Variants in SH3RF1 observed in about 807,000 individuals in gnomAD.
SH3RF1 encodes the protein E3 ubiquitin-protein ligase SH3RF1.
A neutral mutation model predicts 74.0 loss-of-function variants in SH3RF1; 32 were observed. That is an observed-to-expected ratio of 0.43 (90% CI 0.33 to 0.58). The LOEUF (loss-of-function observed/expected upper bound fraction) is 0.58, where lower values mean the gene tolerates loss of function less well. SH3RF1 is among the 20% of genes least tolerant of loss of function. The pLI, the probability that SH3RF1 is intolerant of heterozygous loss-of-function variation, is 0.05. For synonymous variants in SH3RF1, 396 were observed against 439.6 expected, an observed-to-expected ratio of 0.90 and a Z score of 1.24; for missense variants, 954 against 1,130.9, an observed-to-expected ratio of 0.84 and a Z score of 2.24.
intron 2 of SH3RF1, among the ~76,000 whole-genome samples, chr4:169,170,626 C>A (rs913458046): frequency 6.6e-6 from 1 of 152,078 alleles, no homozygotes; most frequent in African/African-American, 2.4e-5. Context: ...ATCTTCATAT[C>A]CTGGGGGCGC....
chr4:169,249,926 G>A (rs977334236), intron 2 of SH3RF1, among the ~76,000 whole-genome samples: 24 of 151,988 alleles, frequency 1.6e-4, no homozygotes, highest in Non-Finnish European at 1.3e-4. Flanking sequence ...CAACAGAATC[G>A]GCCCACAATA....
At chr4:169,110,210 C>CT (rs1733217551) in intron 10 of SH3RF1, among the ~76,000 whole-genome samples, 1 of 151,410 alleles carries the variant, frequency 6.6e-6, no homozygotes, top group African/African-American at 2.4e-5. Flanking sequence ...CCCATCTCTA[C>CT]CAAAAAAAAA....
chr4:169,245,805 T>G (rs1487746332), intron 2 of SH3RF1, among the ~76,000 whole-genome samples: 1 of 152,204 alleles, frequency 6.6e-6, no homozygotes. Flanking sequence ...TAATTTTTAA[T>G]GTTACCAGAA....
chr4:169,249,153 G>A (rs928506367), intron 2 of SH3RF1, among the ~76,000 whole-genome samples: 16 of 152,124 alleles, frequency 1.1e-4, no homozygotes, highest in Non-Finnish European at 1.0e-4. Context: ...GCGTGAACCC[G>A]GGAGGCGGAG....
chr4:169,179,857 A>AT (rs1377810990), intron 2 of SH3RF1, among the ~76,000 whole-genome samples: 1 of 152,002 alleles, frequency 6.6e-6, no homozygotes, highest in South Asian at 2.1e-4. Context: ...AGAATTATGT[A>AT]TTTTTTTTCC....
At chr4:169,217,008 AAAAAAC>A (rs1561055564) in intron 2 of SH3RF1, among the ~76,000 whole-genome samples, 28 of 136,890 alleles carry the variant, frequency 2.0e-4, no homozygotes, top group Non-Finnish European at 3.6e-4. Flanking sequence ...AAAAAAAAAA[AAAAAAC>A]CAGCCAGGTG....
chr4:169,256,535 A>G (rs1428538499), intron 2 of SH3RF1, among the ~76,000 whole-genome samples: 2 of 152,224 alleles, frequency 1.3e-5, no homozygotes, highest in African/African-American at 2.4e-5. Context: ...GTATTAACAT[A>G]TAAGTGTTAA....
At chr4:169,100,853 T>C (rs1297304022) in intron 11 of SH3RF1, among the ~76,000 whole-genome samples, 2 of 152,170 alleles carry the variant, frequency 1.3e-5, no homozygotes, top group East Asian at 3.9e-4. Context: ...ATGTCCCCTA[T>C]TCAGGGCCTT....
At position 169,117,610 on chromosome 4, in the gene SH3RF1, G is replaced by C. The variant is rs1360483896; in HGVS notation, c.1690C>G (p.His564Asp). 1.2e-6 allele frequency: 2 copies of C among 1,614,102 alleles called. No homozygotes were observed. The highest frequency in any genetic ancestry group is 8.5e-7 in the Non-Finnish European group (1 of 1,180,050). ...TTAGCCTGAGGACTTGTCTGGATGT[G>C]AGCTGCTGATACCACAGCTGCGGGG... ...VVPAAVVSAAHIQTSPQAKVL... is the reference protein window; with the variant it reads ...VVPAAVVSAADIQTSPQAKVL... The change falls in exon 9 of 12, where the codon CAC (histidine) becomes GAC (aspartate). Residue 564 changes from histidine (H) to aspartate (D), a missense_variant. Transcript: ENST00000284637.
intron 11 of SH3RF1, among the ~76,000 whole-genome samples, chr4:169,098,226 T>G (rs1483385241): frequency 6.6e-6 from 1 of 152,266 alleles, no homozygotes; most frequent in Non-Finnish European, 1.5e-5. Flanking sequence ...CACTGTTTGA[T>G]GCTAAGTAAT....
At chr4:169,247,231 A>G (rs1731016172) in intron 2 of SH3RF1, among the ~76,000 whole-genome samples, 1 of 152,218 alleles carries the variant, frequency 6.6e-6, no homozygotes, top group African/African-American at 2.4e-5. Flanking sequence ...AGGTGGGGAA[A>G]AGAGCAAAAG....
intron 1 of SH3RF1, chr4:169,270,100 C>CTGCG (rs1430058932): frequency 1.3e-5 from 2 of 152,312 alleles, no homozygotes; most frequent in Admixed American, 6.5e-5. Flanking sequence ...AAGCCACTTA[C>CTGCG]TGCGCCGCTC....
At chr4:169,122,044 G>T in intron 7 of SH3RF1, 56 bp downstream of exon 7, 2 of 1,594,514 alleles carry the variant, frequency 1.3e-6, no homozygotes, top group Admixed American at 3.4e-5. Flanking sequence ...GACCTCTGAG[G>T]TTTGGACTTC....
chr4:169,194,800 G>A (rs1454018040), intron 2 of SH3RF1, among the ~76,000 whole-genome samples: 4 of 152,180 alleles, frequency 2.6e-5, no homozygotes, highest in Non-Finnish European at 4.4e-5. Flanking sequence ...ATCAATGCAT[G>A]TTCCCTACCA....
chr4:169,257,123 A>G (rs77179167), intron 2 of SH3RF1, among the ~76,000 whole-genome samples: 1 of 152,226 alleles, frequency 6.6e-6, no homozygotes, highest in East Asian at 1.9e-4. Context: ...AGCCACACAG[A>G]TAACAAGGAA....
intron 2 of SH3RF1, among the ~76,000 whole-genome samples, chr4:169,165,585 C>T (rs1300151184): frequency 6.6e-6 from 1 of 151,132 alleles, no homozygotes. Context: ...TATTGTGCCA[C>T]TGCACTCCAG....
rs557231571 is a variant in SH3RF1, at chr4:169,095,473, C to G, written c.*1046G>C. The G allele has an allele frequency of 6.5e-6, 1 of 152,720 alleles. No individual in the cohort carries two copies. The highest frequency in any genetic ancestry group is 1.9e-4 in the East Asian group (1 of 5,186). The allele number at this position is 152,720 out of a possible 1,614,324, so 9.5% of individuals were successfully genotyped here. On this transcript the variant is annotated 3_prime_UTR_variant, in exon 12 of 12. Transcript: ENST00000284637. Reference sequence around the variant, plus strand: ...TACTGTGGGAATCCAGTAATACATGCAAGACGTGGGGAAAGAATCACAATG... The same window carrying G: ...TACTGTGGGAATCCAGTAATACATGGAAGACGTGGGGAAAGAATCACAATG...
chr4:169,191,694 C>A (rs1734713718), intron 2 of SH3RF1, among the ~76,000 whole-genome samples: 2 of 152,024 alleles, frequency 1.3e-5, no homozygotes, highest in Non-Finnish European at 2.9e-5. Context: ...TAAAAATAGC[C>A]ACATAGACCA....
At chr4:169,210,084 C>A (rs1730333424) in intron 2 of SH3RF1, among the ~76,000 whole-genome samples, 1 of 152,286 alleles carries the variant, frequency 6.6e-6, no homozygotes, top group African/African-American at 2.4e-5. Flanking sequence ...GCATGAGGCA[C>A]CATGCCTGGA....
Sources: allele counts gnomAD v4.1 joint callset (sites outside exome capture counted in the v4.1 genomes callset), GRCh38; gene constraint gnomAD v4.1.1; transcripts MANE v1.5; gene names NCBI Gene and HGNC (gene_info 2026-07-23, HGNC 2026-07-21).